KIF26B: variants seen among roughly 807,000 people sequenced by gnomAD.
KIF26B encodes the protein kinesin family member 26B, also known as kinesin-like protein KIF26B.
KIF26B carries 63 observed loss-of-function variants against 151.2 expected under a neutral mutation model. The ratio of observed to expected loss-of-function variants is 0.42; its 90% CI spans 0.34 to 0.51. KIF26B has a LOEUF of 0.51. KIF26B is among the 20% of genes least tolerant of loss of function. The probability of loss-of-function intolerance (pLI) is 0.07; values close to 1 mark genes in which losing one functional copy is unlikely to be tolerated. For missense variants in KIF26B, 2,813 were observed against 2,913.6 expected (o/e 0.97, Z 0.79); for synonymous variants, 1,357 against 1,262.1 (o/e 1.08, Z -1.59).
At chr1:245,173,389 A>G (rs906486104) in intron 2 of KIF26B, among the ~76,000 whole-genome samples, 15 of 152,330 alleles carry the variant, frequency 9.8e-5, no homozygotes, top group African/African-American at 3.1e-4. Flanking sequence ...CACGGAAAGT[A>G]GTATAAGTTG....
chr1:245,503,605 C>T (rs1051273858), intron 4 of KIF26B, among the ~76,000 whole-genome samples: 1 of 152,200 alleles, frequency 6.6e-6, no homozygotes, highest in South Asian at 2.1e-4. Context: ...TAAAAAACCT[C>T]TCTTAAGTCT....
chr1:245,187,076 C>T (rs191605709), intron 2 of KIF26B, among the ~76,000 whole-genome samples: 5 of 152,236 alleles, frequency 3.3e-5, no homozygotes, highest in African/African-American at 9.6e-5. Flanking sequence ...AGGATGGTCT[C>T]GATCTCTTGA....
In KIF26B at chr1:245,647,585, T is replaced by C. The variant is rs148413526; in HGVS notation, c.2258+1305T>C. Among the ~76,000 whole-genome samples the C allele has an allele frequency of 3.5e-3, 530 of 152,176 alleles. 4 individuals carry two copies. Among genetic ancestry groups the C allele is most frequent in the African/African-American group, 0.012 (492 of 41,528 alleles). On this transcript the variant is annotated intron_variant, in intron 10 of 14. Transcript: ENST00000407071. ...CCGACCTTACAGAGTTGCCATGAGG[T>C]GAAGATTAACTAAATATATGTGGAT... is the stretch of plus-strand genomic sequence containing the variant.
At chr1:245,336,962 C>T (rs185833850) in intron 2 of KIF26B, among the ~76,000 whole-genome samples, 59 of 152,182 alleles carry the variant, frequency 3.9e-4, no homozygotes, top group African/African-American at 1.3e-3. Flanking sequence ...CCTGGGTAGT[C>T]GGCTGGGCCT....
At chr1:245,626,702 T>A (rs2043728333) in intron 9 of KIF26B, among the ~76,000 whole-genome samples, 1 of 152,198 alleles carries the variant, frequency 6.6e-6, no homozygotes, top group Admixed American at 6.5e-5. Context: ...CTGTTGATTG[T>A]TTCCTTAGCT....
intron 2 of KIF26B, among the ~76,000 whole-genome samples, chr1:245,292,756 T>C (rs980070798): frequency 6.6e-6 from 1 of 151,956 alleles, no homozygotes; most frequent in Non-Finnish European, 1.5e-5. Flanking sequence ...GTCAGTGGAG[T>C]CAACCAGATG....
intron 4 of KIF26B, among the ~76,000 whole-genome samples, chr1:245,447,861 G>GC (rs1480661067): frequency 2.0e-5 from 3 of 152,212 alleles, no homozygotes; most frequent in Non-Finnish European, 4.4e-5. Context: ...GCCTTGAGCT[G>GC]CCACTCTCAG....
At chr1:245,238,381 T>C (rs937521990) in intron 2 of KIF26B, among the ~76,000 whole-genome samples, 1 of 152,130 alleles carries the variant, frequency 6.6e-6, no homozygotes, top group African/African-American at 2.4e-5. Context: ...CTCTGATCTT[T>C]TTAAACATAG....
chr1:245,205,714 CTTTT>C (rs67318995), intron 2 of KIF26B, among the ~76,000 whole-genome samples: 18 of 140,162 alleles, frequency 1.3e-4, no homozygotes, highest in Non-Finnish European at 1.8e-4. Flanking sequence ...CTTTTCTTTT[CTTTT>C]TTTTTTTTTT....
rs576439542 is a variant in KIF26B, at chr1:245,659,814, G to A, written c.2258+13534G>A. On this transcript the variant is annotated intron_variant, in intron 10 of 14. Transcript: ENST00000407071. ...AGCACTTTGAGAGCCCAAGGAGGGC[G>A]GATCATTTGAGGTGAGGAGTTTAAG... Among the ~76,000 whole-genome samples the A allele has an allele frequency of 2.6e-5, 4 of 151,984 alleles. No homozygotes were observed. In the East Asian group the frequency reaches 7.8e-4, roughly 30 times the overall value.
intron 2 of KIF26B, among the ~76,000 whole-genome samples, chr1:245,233,968 G>C (rs1055524140): frequency 1.3e-5 from 2 of 152,168 alleles, no homozygotes; most frequent in South Asian, 2.1e-4. Context: ...GATCACCTGA[G>C]GTCAGGAGTT....
chr1:245,242,362 C>T (rs1670223695), intron 2 of KIF26B, among the ~76,000 whole-genome samples: 1 of 152,204 alleles, frequency 6.6e-6, no homozygotes. Flanking sequence ...CTGAGGCGCT[C>T]AGGGTGCCCT....
Position 245,597,192 on chromosome 1 carries a change from T to C in KIF26B, c.1351-5385T>C, listed in dbSNP as rs2043343659. The stretch of plus-strand genomic sequence containing the variant: ...CATTATGATGCTAGCTGGTTATTTT[T>C]CCCATTAGTCGATGCAGTTTTTTCA... On this transcript the variant is annotated intron_variant, in intron 5 of 14. Coordinates refer to ENST00000407071, the MANE Select transcript of KIF26B (RefSeq NM_018012.4). This position sits in a 1 kb window ranked among gnomAD's most constrained non-coding sequence, Gnocchi z 4.6. Among the ~76,000 whole-genome samples, 1 of 152,206 alleles carries C rather than the reference T, an allele frequency of 6.6e-6. No homozygotes were observed.
At chr1:245,428,957 T>G (rs2103040562) in intron 4 of KIF26B, among the ~76,000 whole-genome samples, 1 of 148,860 alleles carries the variant, frequency 6.7e-6, no homozygotes, top group South Asian at 2.2e-4. Flanking sequence ...TTGCATTTTT[T>G]GTTTTAATTG....
At chr1:245,678,347 C>G (rs2044381377) in intron 10 of KIF26B, among the ~76,000 whole-genome samples, 5 of 152,056 alleles carry the variant, frequency 3.3e-5, no homozygotes, top group Admixed American at 2.6e-4. Context: ...ATCTCCATCT[C>G]TCTACGACGC....
At chr1:245,542,235 C>T (rs1661641041) in intron 5 of KIF26B, among the ~76,000 whole-genome samples, 1 of 152,172 alleles carries the variant, frequency 6.6e-6, no homozygotes, top group African/African-American at 2.4e-5. Flanking sequence ...TGCCTGTAGT[C>T]CCAGCTACTC....
At chr1:245,307,745 T>G (rs866434113) in intron 2 of KIF26B, among the ~76,000 whole-genome samples, 1 of 104,340 alleles carries the variant, frequency 9.6e-6, no homozygotes, top group Admixed American at 9.1e-5. Flanking sequence ...TCTCTCTCTT[T>G]TTTTTTTTTT....
chr1:245,192,967 C>CTG (rs1260040473), intron 2 of KIF26B, among the ~76,000 whole-genome samples: 3 of 152,134 alleles, frequency 2.0e-5, no homozygotes, highest in African/African-American at 7.2e-5. Context: ...ATGGGATTTG[C>CTG]TGTACAGATG....
At chr1:245,524,392 T>C (rs968046505) in intron 4 of KIF26B, among the ~76,000 whole-genome samples, 8 of 152,210 alleles carry the variant, frequency 5.3e-5, no homozygotes, top group African/African-American at 1.4e-4. Context: ...TGTATTTTTT[T>C]ACTAGGTTTA....
Sources: allele counts gnomAD v4.1 joint callset (sites outside exome capture counted in the v4.1 genomes callset), GRCh38; gene constraint gnomAD v4.1.1; non-coding constraint Gnocchi (gnomAD v3.1); transcripts MANE v1.5; gene names NCBI Gene and HGNC (gene_info 2026-07-23, HGNC 2026-07-21).